Variants in NFIA observed in about 807,000 individuals in gnomAD.
NFIA encodes the protein nuclear factor I A.
NFIA carries 8 observed loss-of-function variants against 62.8 expected under a neutral mutation model. The ratio of observed to expected loss-of-function variants is 0.13; its 90% CI spans 0.07 to 0.23. The LOEUF (loss-of-function observed/expected upper bound fraction) is 0.23. Ranked by LOEUF, NFIA falls within the 10% of genes least tolerant of loss-of-function variation. The pLI is 1.00. For missense variants in NFIA, 410 were observed against 642.1 expected, an observed-to-expected ratio of 0.64 and a Z score of 3.91; for synonymous variants, 235 against 238.1, an observed-to-expected ratio of 0.99 and a Z score of 0.12.
At chr1:61,232,328 C>T (rs1411186160) in intron 2 of NFIA, among the ~76,000 whole-genome samples, 2 of 152,012 alleles carry the variant, frequency 1.3e-5, no homozygotes, top group Non-Finnish European at 2.9e-5. Context: ...GGGCTAGACT[C>T]ATTTTAACTA....
chr1:61,270,993 T>G (rs1657469556), intron 2 of NFIA, among the ~76,000 whole-genome samples: 1 of 152,210 alleles, frequency 6.6e-6, no homozygotes, highest in Non-Finnish European at 1.5e-5. Flanking sequence ...TTGCCTGTCT[T>G]TTATAATCAC....
chr1:61,299,024 A>G (rs1159107509), intron 3 of NFIA, among the ~76,000 whole-genome samples: 2 of 152,162 alleles, frequency 1.3e-5, no homozygotes, highest in African/African-American at 4.8e-5. Context: ...TATGAAATGT[A>G]CTTTCATGCA....
intron 2 of NFIA, among the ~76,000 whole-genome samples, chr1:61,091,714 A>G (rs1206173257): frequency 6.6e-6 from 1 of 152,282 alleles, no homozygotes; most frequent in East Asian, 1.9e-4. Context: ...AATCTACAAT[A>G]TACCCGGCAC....
chr1:61,112,183 G>A (rs555937946), intron 2 of NFIA, among the ~76,000 whole-genome samples: 6 of 150,494 alleles, frequency 4.0e-5, no homozygotes, highest in Non-Finnish European at 7.4e-5. Flanking sequence ...TATGTCTTTA[G>A]TATGTTGAGC....
chr1:61,221,037 A>G (rs758123037), intron 2 of NFIA, among the ~76,000 whole-genome samples: 9 of 152,216 alleles, frequency 5.9e-5, no homozygotes, highest in Middle Eastern at 3.4e-3. Context: ...ATATATTTCA[A>G]CTGTAGTATT....
At chr1:61,426,189 C>T (rs962288512) in intron 9 of NFIA, among the ~76,000 whole-genome samples, 1 of 152,168 alleles carries the variant, frequency 6.6e-6, no homozygotes, top group Non-Finnish European at 1.5e-5. Flanking sequence ...TTGCAAATGT[C>T]CTGCATGTTC....
chr1:61,093,661 G>A (rs10889206), intron 2 of NFIA, among the ~76,000 whole-genome samples: 34,067 of 152,014 alleles, frequency 0.22, 4,724 homozygotes, highest in East Asian at 0.5. Context: ...TCCTTTATCT[G>A]GAATGTAGTG....
chr1:61,290,147 A>G (rs1264121778), intron 3 of NFIA, among the ~76,000 whole-genome samples: 1 of 151,948 alleles, frequency 6.6e-6, no homozygotes, highest in East Asian at 1.9e-4. Context: ...ATATTTTTAA[A>G]CAATGGACTG....
chr1:61,392,190 G>A (rs1221709958), intron 7 of NFIA, among the ~76,000 whole-genome samples: 2 of 151,964 alleles, frequency 1.3e-5, no homozygotes, highest in Admixed American at 1.3e-4. Flanking sequence ...ATTTGAAGTT[G>A]CAGGACACTA....
At chr1:61,135,292 A>G (rs2100496109) in intron 2 of NFIA, among the ~76,000 whole-genome samples, 1 of 152,352 alleles carries the variant, frequency 6.6e-6, no homozygotes, top group South Asian at 2.1e-4. Flanking sequence ...GCCCAGACCA[A>G]GGATCTTTTG....
chr1:61,356,704 A>G (rs1349509937), intron 5 of NFIA, among the ~76,000 whole-genome samples: 7 of 152,236 alleles, frequency 4.6e-5, no homozygotes, highest in Non-Finnish European at 1.0e-4. Flanking sequence ...AGGAAAGCCC[A>G]GCAAAGAACA....
chr1:61,254,935 G>T (rs1656282292), intron 2 of NFIA, among the ~76,000 whole-genome samples: 1 of 152,160 alleles, frequency 6.6e-6, no homozygotes, highest in African/African-American at 2.4e-5. Context: ...TCAACAACTG[G>T]CATGAGAACC....
intron 7 of NFIA, among the ~76,000 whole-genome samples, chr1:61,389,533 G>A (rs1664863368): frequency 6.6e-6 from 1 of 152,098 alleles, no homozygotes; most frequent in Non-Finnish European, 1.5e-5. Flanking sequence ...AGAAATCTGA[G>A]CTAGCCAGAA....
Position 61,332,594 on chromosome 1 carries a change from T to C in NFIA, c.700+8T>C. On this transcript the variant is annotated splice_region_variant and intron_variant, in intron 4 of 10. Coordinates refer to ENST00000403491, the MANE Select transcript of NFIA (RefSeq NM_001134673.4). ...TAGTAAGAGTGTCACAGAGTAAGTA[T>C]AATTTTGCTTTGATTTGGTACAGAT... 2 of 1,613,188 alleles carry C rather than the reference T, an allele frequency of 1.2e-6. No homozygotes were observed. Among genetic ancestry groups the C allele is most frequent in the Non-Finnish European group, 8.5e-7 (1 of 1,179,244 alleles).
At chr1:61,293,590 G>T (rs1215080822) in intron 3 of NFIA, among the ~76,000 whole-genome samples, 1 of 152,190 alleles carries the variant, frequency 6.6e-6, no homozygotes, top group East Asian at 1.9e-4. Flanking sequence ...ATGAGAGATG[G>T]AGATGAAATT....
At chr1:61,203,650 T>C (rs1376459563) in intron 2 of NFIA, among the ~76,000 whole-genome samples, 7 of 152,176 alleles carry the variant, frequency 4.6e-5, no homozygotes, top group Admixed American at 2.6e-4. Context: ...TCTGTTGCCA[T>C]GTAGTGGTTA....
chr1:61,151,468 G>A (rs995208145), intron 2 of NFIA, among the ~76,000 whole-genome samples: 11 of 151,666 alleles, frequency 7.3e-5, no homozygotes, highest in Admixed American at 2.0e-4. Flanking sequence ...TTTAGTCTGC[G>A]GGTGATTGAT....
chr1:61,420,066 G>C (rs887978312), intron 9 of NFIA, among the ~76,000 whole-genome samples: 2 of 152,142 alleles, frequency 1.3e-5, no homozygotes, highest in African/African-American at 2.4e-5. Context: ...CATCATGTGG[G>C]GGTTTCTAAA....
At chr1:61,429,141 A>T (rs578076108) in intron 10 of NFIA, among the ~76,000 whole-genome samples, 2 of 152,358 alleles carry the variant, frequency 1.3e-5, no homozygotes, top group South Asian at 2.1e-4. Context: ...CAATGCAGAC[A>T]TTATAAGTAG....
Sources: allele counts gnomAD v4.1 joint callset (sites outside exome capture counted in the v4.1 genomes callset), GRCh38; gene constraint gnomAD v4.1.1; transcripts MANE v1.5; gene names NCBI Gene and HGNC (gene_info 2026-07-23, HGNC 2026-07-21).